Variants in USP30 observed in about 807,000 individuals in gnomAD.
USP30 encodes the protein ubiquitin specific peptidase 30, also known as ubiquitin carboxyl-terminal hydrolase 30.
A neutral mutation model predicts 68.2 loss-of-function variants in USP30; 41 were observed. That is an observed-to-expected ratio of 0.60 (90% CI 0.47 to 0.78). The LOEUF is 0.78. Among genes scored for constraint, USP30 ranks in the 30% least tolerant of loss-of-function variants. USP30 has a pLI of 0.00. For synonymous variants in USP30, 229 were observed against 253.7 expected (o/e 0.90, Z 0.93); for missense variants, 522 against 649.4 (o/e 0.80, Z 2.13).
chr12:109,083,254 G>A (rs2041856257), intron 11 of USP30, among the ~76,000 whole-genome samples, 192 bp downstream of exon 11: 3 of 152,232 alleles, frequency 2.0e-5, no homozygotes, highest in Admixed American at 6.5e-5. Flanking sequence ...ATGTAGCAGT[G>A]AGATGTATCG....
At chr12:109,083,694 C>T (rs1206338313) in intron 11 of USP30, among the ~76,000 whole-genome samples, 1 of 152,068 alleles carries the variant, frequency 6.6e-6, no homozygotes, top group Non-Finnish European at 1.5e-5. Flanking sequence ...ACACTGAGTT[C>T]TTTAGAGTTA....
chr12:109,046,627 A>T (rs1169000679), intron 3 of USP30, among the ~76,000 whole-genome samples: 5 of 151,904 alleles, frequency 3.3e-5, no homozygotes, highest in Non-Finnish European at 7.4e-5. Context: ...TAACCATCAC[A>T]CCCAGGGAAA....
At chr12:109,034,743 A>G (rs1175890296) in intron 3 of USP30, among the ~76,000 whole-genome samples, 2 of 152,176 alleles carry the variant, frequency 1.3e-5, no homozygotes, top group Admixed American at 1.3e-4. Context: ...CATTACTGTT[A>G]AATTGTCTAT....
At chr12:109,067,436 T>A in intron 3 of USP30, 88 bp from the exon 4 acceptor site, 1 of 1,222,406 alleles carries the variant, frequency 8.2e-7, no homozygotes, top group Non-Finnish European at 1.2e-6. Flanking sequence ...TAATTTTTAA[T>A]TAACTTTGAT....
rs2040932907 is a variant in USP30 at position 109,058,099 on chromosome 12, C to T, written c.367C>T (p.Leu123Phe). 6.2e-7 allele frequency: 1 copy of T among 1,606,800 alleles called. No homozygotes were observed. Among genetic ancestry groups the T allele is most frequent in the South Asian group, 1.1e-5 (1 of 89,572 alleles). ...HQYLSLTLLHLLKALSCQEVT... is the reference protein window; with the variant it reads ...HQYLSLTLLHFLKALSCQEVT... ...GTATTTATCCTTAACACTCTTGCAC[C>T]TTCTGAAAGGTATCTAGATGGGAAT... The change falls in exon 3 of 13, where the codon CTT becomes TTT. Residue 123 changes from leucine (L) to phenylalanine (F), a missense_variant. Coordinates refer to ENST00000257548, the MANE Select transcript of USP30 (RefSeq NM_032663.5).
rs1309340440 is a variant in USP30 at position 109,081,343 on chromosome 12, C to T, written c.730C>T (p.Arg244Ter). The change falls in exon 8 of 13, where the codon CGA (arginine) becomes TGA (stop). Residue 244 changes from arginine (R) to a stop codon, truncating the protein, a stop_gained. Transcript: ENST00000257548. LOFTEE classifies it high-confidence loss of function. ...CKHCEHQSPV[R>*]FDTFDSLSLS... Reference sequence around the variant, plus strand: ...GCAATATTTCTTTCAGAGTCCTGTTCGATTTGATACCTTTGATAGCCTTTC... The same window carrying T: ...GCAATATTTCTTTCAGAGTCCTGTTTGATTTGATACCTTTGATAGCCTTTC... The T allele has an allele frequency of 2.5e-6, 4 of 1,614,016 alleles. No homozygotes were observed. The highest frequency in any genetic ancestry group is 3.4e-6 in the Non-Finnish European group (4 of 1,180,006).
chr12:109,077,274 T>C (rs1427888606), intron 7 of USP30, among the ~76,000 whole-genome samples: 1 of 152,212 alleles, frequency 6.6e-6, no homozygotes, highest in Non-Finnish European at 1.5e-5. Flanking sequence ...CCTTCCTCTG[T>C]TTACTGAAAG....
At chr12:109,045,325 T>TC (rs1222407948) in intron 3 of USP30, among the ~76,000 whole-genome samples, 1 of 152,182 alleles carries the variant, frequency 6.6e-6, no homozygotes, top group Non-Finnish European at 1.5e-5. Context: ...CCATTTCCTA[T>TC]CCTCTCTTTA....
Position 109,028,573 on chromosome 12 carries a change from GT to G in USP30, c.-136+1019del, listed in dbSNP as rs760531004. On this transcript the variant is annotated intron_variant, in intron 3 of 15. Transcript: ENST00000392784. ...GCTCACTGCAACCTCCACCTACCAGGTTCAGGCAATTATCCTGCCTCAGCCT... is the reference window on the plus strand; with the variant it reads ...GCTCACTGCAACCTCCACCTACCAGGTCAGGCAATTATCCTGCCTCAGCCT... Among the ~76,000 whole-genome samples, 56 of 152,186 alleles carry G rather than the reference GT, an allele frequency of 3.7e-4. No homozygotes were observed. The Middle Eastern group carries it at 0.024, about 65-fold the overall frequency.
rs1395657837 is a variant in USP30 at position 109,067,524 on chromosome 12, C to A, written c.377C>A (p.Ala126Asp). 8 of 1,612,864 alleles carry A rather than the reference C, an allele frequency of 5.0e-6. No homozygotes were observed. The highest frequency in any genetic ancestry group is 6.8e-6 in the Non-Finnish European group (8 of 1,179,598). Reference protein sequence around the residue: ...LSLTLLHLLKALSCQEVTDDE... With the variant: ...LSLTLLHLLKDLSCQEVTDDE... ...ATTGTCTTACCTTTTTTGTTTCCAGCCTTGTCCTGCCAAGAAGTTACTGAT... is the reference window on the plus strand; with the variant it reads ...ATTGTCTTACCTTTTTTGTTTCCAGACTTGTCCTGCCAAGAAGTTACTGAT... The change falls in exon 4 of 13, where the codon GCC becomes GAC. Residue 126 changes from alanine (A) to aspartate (D), a missense_variant and splice_region_variant. Coordinates refer to ENST00000257548, the MANE Select transcript of USP30 (RefSeq NM_032663.5).
chr12:109,082,838 C>T lies in USP30; in HGVS notation c.949-5C>T, dbSNP rs765948598. On this transcript the variant is annotated splice_polypyrimidine_tract_variant and splice_region_variant and intron_variant, in intron 10 of 12. Coordinates refer to ENST00000257548, the MANE Select transcript of USP30 (RefSeq NM_032663.5). The stretch of plus-strand genomic sequence containing the variant: ...CGGTTCTCCCGATTTCTCTTCCACC[C>T]GCAGCTCCCTCAGTGTCTCTGCATC... 26 of 1,612,262 alleles carry T rather than the reference C, an allele frequency of 1.6e-5. 1 individual carries two copies. In the South Asian group the frequency reaches 2.5e-4, roughly 16 times the overall value.
chr12:109,025,861 T>G (rs1166367623), intron 2 of USP30, among the ~76,000 whole-genome samples: 3 of 152,048 alleles, frequency 2.0e-5, no homozygotes, highest in African/African-American at 7.2e-5. Flanking sequence ...CTAATTTTTG[T>G]ATTTTTTGTA....
intron 3 of USP30, among the ~76,000 whole-genome samples, chr12:109,031,497 G>A (rs931464107): frequency 1.6e-4 from 25 of 152,130 alleles, no homozygotes; most frequent in Admixed American, 1.4e-3. Context: ...TCCACTCCTA[G>A]GTATATACAA....
chr12:109,052,999 C>T (rs914407804), intron 1 of USP30: 6 of 395,816 alleles, frequency 1.5e-5, no homozygotes, highest in African/African-American at 8.3e-5. Context: ...CCCTCCCCCT[C>T]CTGTCATTGT....
chr12:109,031,265 A>G (rs1281683553), intron 3 of USP30, among the ~76,000 whole-genome samples: 2 of 152,208 alleles, frequency 1.3e-5, no homozygotes, highest in Non-Finnish European at 2.9e-5. Context: ...TTTGTCCATC[A>G]TTTTTATGGA....
At chr12:109,028,608 G>A (rs2135652621) in intron 3 of USP30, among the ~76,000 whole-genome samples, 1 of 152,276 alleles carries the variant, frequency 6.6e-6, no homozygotes, top group Middle Eastern at 3.4e-3. Context: ...CTTCTGAGTA[G>A]CTGAGATTAC....
At chr12:109,023,788 A>G (rs1275739428) in intron 1 of USP30, among the ~76,000 whole-genome samples, 2 of 151,198 alleles carry the variant, frequency 1.3e-5, no homozygotes, top group African/African-American at 4.9e-5. Context: ...GCCCGCCACC[A>G]TGCCTGGCTA....
intron 3 of USP30, among the ~76,000 whole-genome samples, chr12:109,066,370 C>G (rs906123360): frequency 2.0e-5 from 3 of 151,858 alleles, no homozygotes; most frequent in Non-Finnish European, 4.4e-5. Flanking sequence ...TTTATTAGGC[C>G]TGATTCTACC....
intron 11 of USP30, among the ~76,000 whole-genome samples, chr12:109,083,871 C>T (rs912767934): frequency 6.6e-6 from 1 of 152,116 alleles, no homozygotes; most frequent in African/African-American, 2.4e-5. Flanking sequence ...GACACCTCAT[C>T]ATGTCAGGGA....
Sources: gnomAD v4.1 joint callset for allele counts (sites outside exome capture counted in the v4.1 genomes callset) on GRCh38, gnomAD v4.1.1 for gene constraint, MANE v1.5 for transcripts, NCBI Gene and HGNC (gene_info 2026-07-23, HGNC 2026-07-21) for gene names.